The following ZNF335 variants were observed in gnomAD, a reference collection of about 807,000 sequenced individuals.
The protein encoded by ZNF335 is NRC-interacting factor 1.
ZNF335 carries 84 observed loss-of-function variants against 145.6 expected under a neutral mutation model. The observed-to-expected ratio is 0.58, with a 90% CI of 0.48 to 0.69. The LOEUF is 0.69. Ranked by LOEUF, ZNF335 falls within the 30% of genes least tolerant of loss-of-function variation. The pLI is 0.00. For missense variants in ZNF335, 1,865 were observed against 1,809.7 expected (o/e 1.03, Z -0.55); for synonymous variants, 761 against 717.0 (o/e 1.06, Z -0.98).
intron 20 of ZNF335, among the ~76,000 whole-genome samples, chr20:45,951,783 T>TC (rs2145358430): frequency 6.6e-6 from 1 of 152,316 alleles, no homozygotes; most frequent in South Asian, 2.1e-4. Flanking sequence ...TTCTAGACGT[T>TC]CGAGTCTCCC....
At chr20:45,971,658 C>A in intron 1 of ZNF335, 198 bp from the exon 2 acceptor site, 1 of 985,496 alleles carries the variant, frequency 1.0e-6, no homozygotes, top group Non-Finnish European at 1.2e-6. Context: ...GGCTAAGGCC[C>A]TTCCCGGGAG....
chr20:45,966,303 C>T (rs182364642), intron 6 of ZNF335, among the ~76,000 whole-genome samples: 2 of 151,666 alleles, frequency 1.3e-5, no homozygotes. Flanking sequence ...TGGTCTCGAT[C>T]TCCTGACCTT....
At chr20:45,969,344 A>G (rs1457123961) in intron 3 of ZNF335, 107 bp downstream of exon 3, 1 of 1,336,342 alleles carries the variant, frequency 7.5e-7, no homozygotes. Context: ...CACTCTGCAC[A>G]TTCCACATGG....
chr20:45,959,445 T>C lies in ZNF335; in HGVS notation c.2021-12A>G. ...GAAGGGCTTGGCCCCTGGAGGCACATGTTGGGGCATGCTTAAGTCTGCCCG... is the reference window on the plus strand; with the variant it reads ...GAAGGGCTTGGCCCCTGGAGGCACACGTTGGGGCATGCTTAAGTCTGCCCG... On this transcript the variant is annotated splice_polypyrimidine_tract_variant and intron_variant, in intron 14 of 27. Coordinates refer to ENST00000322927, the MANE Select transcript of ZNF335 (RefSeq NM_022095.4). 7.0e-7 allele frequency: 1 copy of C among 1,426,856 alleles called. No individual in the cohort carries two copies. 88.4% of individuals were successfully genotyped at this position (1,426,856 alleles called of 1,614,324 possible).
rs1427279281 is a variant in ZNF335 at position 45,950,049 on chromosome 20, C to T, written c.3508G>A (p.Gly1170Arg). ...TLHTALQSSH[G>R]VLGPERLQQA... is the part of the protein sequence containing the mutation. ...TGTAGCCGCTCTGGGCCCAGGACCC[C>T]GTGACTGGACTGGAGTGCAGCTGGG... The change falls in exon 23 of 28, where the codon GGG (glycine) becomes AGG (arginine). Residue 1170 changes from glycine to arginine, a missense_variant. Coordinates refer to ENST00000322927, the MANE Select transcript of ZNF335 (RefSeq NM_022095.4). 9.9e-6 allele frequency: 16 copies of T among 1,613,720 alleles called. No individual in the cohort carries two copies. Among genetic ancestry groups the T allele is most frequent in the Middle Eastern group, 1.6e-4 (1 of 6,084 alleles).
chr20:45,971,436 G>C lies in ZNF335; in HGVS notation c.-26C>G, dbSNP rs529910429. ...CTGATCGGCGGGCTGCCTGACAGCG[G>C]GGCGTAGGGTCTGGGAACTTCACTC... On this transcript the variant is annotated 5_prime_UTR_variant, in exon 2 of 28. Coordinates refer to ENST00000322927, the MANE Select transcript of ZNF335 (RefSeq NM_022095.4). 136 of 1,597,330 alleles carry C rather than the reference G, an allele frequency of 8.5e-5. No individual in the cohort carries two copies. The highest frequency in any genetic ancestry group is 6.6e-4 in the Middle Eastern group (4 of 6,058).
intron 9 of ZNF335, among the ~76,000 whole-genome samples, chr20:45,962,601 CG>C (rs1333575462): frequency 6.6e-6 from 1 of 152,136 alleles, no homozygotes; most frequent in Non-Finnish European, 1.5e-5. Flanking sequence ...CCACCGTGCC[CG>C]GAAGTACCCT....
At chr20:45,964,147 G>A (rs955385161) in intron 7 of ZNF335, 157 bp from the exon 8 acceptor site, 6 of 895,570 alleles carry the variant, frequency 6.7e-6, no homozygotes, top group African/African-American at 1.7e-5. Context: ...TGTGGTTAGA[G>A]GGCAGCATGG....
chr20:45,967,465 T>G (rs759875469), intron 6 of ZNF335, 29 bp downstream of exon 6: 54 of 1,613,956 alleles, frequency 3.3e-5, no homozygotes, highest in Non-Finnish European at 4.5e-5. Context: ...GGCATAGGGA[T>G]GGCAGGCCTA....
In ZNF335 at chr20:45,950,571, G is replaced by A; in HGVS notation, c.3214C>T (p.Leu1072=). The A allele has an allele frequency of 1.9e-6, 3 of 1,614,100 alleles. No individual in the cohort carries two copies. The South Asian group carries it at 3.3e-5, about 18-fold the overall frequency. ...VRAHMAQHSS[L]RPHQCSQCSF... ...CACTGGCTACACTGGTGGGGCCGTA[G>A]GCTTGAGTGCTGTGCCATGTGCGCC... Residue 1072 remains leucine (L), a synonymous_variant, in exon 21 of 28, where the codon CTA becomes TTA. Coordinates refer to ENST00000322927, the MANE Select transcript of ZNF335 (RefSeq NM_022095.4).
rs1163577141 is a variant in ZNF335, at chr20:45,949,325, G to A, written c.3819+8C>T. 8 of 1,614,074 alleles carry A rather than the reference G, an allele frequency of 5.0e-6. No individual in the cohort carries two copies. Among genetic ancestry groups the A allele is most frequent in the Admixed American group, 3.3e-5 (2 of 60,022 alleles). ...GCCCCAGGTCTCCCTGTCCCCCCAC[G>A]GCCCTACCTGGGACTCCTGAAGGAA... On this transcript the variant is annotated splice_region_variant and intron_variant, in intron 26 of 27. Coordinates refer to ENST00000322927, the MANE Select transcript of ZNF335 (RefSeq NM_022095.4).
At position 45,957,928 on chromosome 20, in the gene ZNF335, T is replaced by C. The variant is rs1050196796; in HGVS notation, c.2254A>G (p.Ile752Val). ...TGGAAAGTTGTCGCCTCTGGGGGTA[T>C]CTATGGGGTGGAGATATGGCCACGC... ...PPPSSPGPPE[I>V]PPEATTFQSS... Residue 752 changes from isoleucine to valine, a missense_variant and splice_region_variant, in exon 16 of 28, where the codon ATA becomes GTA. By Grantham distance (29) the Ile-to-Val change is conservative. Transcript: ENST00000322927. 1.9e-6 allele frequency: 3 copies of C among 1,613,830 alleles called. No homozygotes were observed. The African/African-American group carries it at 4.0e-5, about 22-fold the overall frequency.
In ZNF335 at chr20:45,967,403, A is replaced by C. The variant is rs192957316; in HGVS notation, c.955+91T>G. On this transcript the variant is annotated intron_variant, in intron 6 of 27. Transcript: ENST00000322927. The stretch of plus-strand genomic sequence containing the variant: ...AGGGACCTGTGGATGTGTCTGTGCC[A>C]ATTCCTCTTTACTGGCCCTCCAAGT... 1.7e-4 allele frequency: 275 copies of C among 1,602,120 alleles called. No homozygotes were observed. In the African/African-American group the frequency reaches 2.9e-3, roughly 17 times the overall value.
chr20:45,952,074 T>A (rs566582038), intron 20 of ZNF335, 73 bp downstream of exon 20: 3 of 1,507,560 alleles, frequency 2.0e-6, no homozygotes, highest in Admixed American at 4.4e-5. Flanking sequence ...GAAAGGGCAC[T>A]CATTAAAGGT....
Position 45,960,737 on chromosome 20 carries a change from GA to G in ZNF335, c.1666-6del. The G allele has an allele frequency of 4.3e-6, 7 of 1,613,506 alleles. No individual in the cohort carries two copies. The highest frequency in any genetic ancestry group is 5.9e-6 in the Non-Finnish European group (7 of 1,179,544). On this transcript the variant is annotated splice_polypyrimidine_tract_variant and splice_region_variant and intron_variant, in intron 11 of 27. Transcript: ENST00000322927. Reference sequence around the variant, plus strand: ...GAAAGAGCTCAGCTTTGGAGTCTAGGAAGGCATAAGAAGGGGCCAGATGGAG... The same window carrying G: ...GAAAGAGCTCAGCTTTGGAGTCTAGGAGGCATAAGAAGGGGCCAGATGGAG...
intron 7 of ZNF335, 134 bp downstream of exon 7, chr20:45,965,494 A>T: frequency 1.9e-6 from 2 of 1,026,784 alleles, no homozygotes; most frequent in Non-Finnish European, 1.4e-6. Flanking sequence ...CTTTCCCTGG[A>T]GGCCTGCAGG....
At chr20:45,962,513 G>A (rs182896725) in intron 9 of ZNF335, among the ~76,000 whole-genome samples, 8 of 152,300 alleles carry the variant, frequency 5.3e-5, no homozygotes, top group East Asian at 3.9e-4. Flanking sequence ...CTCCCACTGC[G>A]TCACGAGACA....
In ZNF335 at chr20:45,957,888, G is replaced by A. The variant is rs983849355; in HGVS notation, c.2294C>T (p.Pro765Leu). 6.2e-7 allele frequency: 1 copy of A among 1,613,922 alleles called. No homozygotes were observed. The highest frequency in any genetic ancestry group is 1.3e-5 in the African/African-American group (1 of 74,904). The change falls in exon 16 of 28, where the codon CCC becomes CTC. Residue 765 changes from proline (P) to leucine (L), a missense_variant. Transcript: ENST00000322927. ...EATTFQSSEA[P>L]SLLCSDTLGG... is the part of the protein sequence containing the mutation. Reference sequence around the variant, plus strand: ...CAGGGTGTCAGAACAGAGCAATGAGGGAGCCTCAGATGACTGGAAAGTTGT... The same window carrying A: ...CAGGGTGTCAGAACAGAGCAATGAGAGAGCCTCAGATGACTGGAAAGTTGT...
chr20:45,968,487 G>A (rs537183144), intron 3 of ZNF335, 125 bp from the exon 4 acceptor site: 49 of 835,510 alleles, frequency 5.9e-5, no homozygotes, highest in African/African-American at 1.7e-4. Context: ...TCCCATGTGC[G>A]ACTGCAAACC....
Sources: gnomAD v4.1 joint callset for allele counts (sites outside exome capture counted in the v4.1 genomes callset) on GRCh38, gnomAD v4.1.1 for gene constraint, MANE v1.5 for transcripts, NCBI Gene and HGNC (gene_info 2026-07-23, HGNC 2026-07-21) for gene names.